The following POC1B variants were observed in gnomAD, a reference collection of about 807,000 sequenced individuals.
The protein encoded by POC1B is POC1 centriolar protein homolog B.
Under a neutral mutation model 60.6 loss-of-function variants are expected in POC1B, and 44 were observed. The ratio of observed to expected loss-of-function variants is 0.73; its 90% CI spans 0.57 to 0.93. The LOEUF (loss-of-function observed/expected upper bound fraction) is 0.93, where lower values mean the gene tolerates loss of function less well. Ranked by LOEUF, POC1B falls within the 40% of genes least tolerant of loss-of-function variation. POC1B has a pLI of 0.00. For missense variants in POC1B, 555 were observed against 572.3 expected, an observed-to-expected ratio of 0.97 and a Z score of 0.31; for synonymous variants, 180 against 198.9, an observed-to-expected ratio of 0.90 and a Z score of 0.80.
At chr12:89,501,622 A>C (rs1265430110) in intron 2 of POC1B, 1 of 1,309,946 alleles carries the variant, frequency 7.6e-7, no homozygotes, top group African/African-American at 1.5e-5. Context: ...GTCCAAGAAC[A>C]AACTTGTGTC....
Position 89,459,671 on chromosome 12 carries a change from A to AG in POC1B, c.1079dup (p.Val361CysfsTer8). On this transcript the variant is annotated frameshift_variant, in exon 10 of 12. Transcript: ENST00000313546. LOFTEE classifies it high-confidence loss of function. ...AATCAAAAGAAAGGATATCCATAAC[A>AG]GGGGGAGTAGAGATCTGCAAATCGA... 6.5e-7 allele frequency: 1 copy of AG among 1,535,548 alleles called. No individual in the cohort carries two copies. Among genetic ancestry groups the AG allele is most frequent in the South Asian group, 1.3e-5 (1 of 76,100 alleles).
At chr12:89,525,500 C>T (rs1006614268) in intron 1 of POC1B, 1 of 1,314,910 alleles carries the variant, frequency 7.6e-7, no homozygotes, top group Non-Finnish European at 9.6e-7. Flanking sequence ...TCCCGGGCCC[C>T]GCCCGCTGGC....
chr12:89,466,587 G>C, intron 9 of POC1B, 183 bp downstream of exon 9: 1 of 483,304 alleles, frequency 2.1e-6, no homozygotes, highest in Non-Finnish European at 3.5e-6. Flanking sequence ...TTTACTTCTG[G>C]GCCTTCAAGA....
chr12:89,511,044 A>G (rs1870161601), intron 2 of POC1B, among the ~76,000 whole-genome samples: 1 of 151,822 alleles, frequency 6.6e-6, no homozygotes, highest in South Asian at 2.1e-4. Flanking sequence ...GTGAGCCACC[A>G]TGCCTGGCCA....
intron 2 of POC1B, chr12:89,520,006 G>A (rs1012221850): frequency 1.3e-5 from 2 of 152,032 alleles, no homozygotes; most frequent in South Asian, 2.1e-4. Context: ...CAATAAATTC[G>A]AATTAGGGAA....
intron 10 of POC1B, chr12:89,428,145 C>T (rs1269712184): frequency 6.6e-6 from 1 of 152,280 alleles, no homozygotes; most frequent in African/African-American, 2.4e-5. Context: ...CCATGCTCCA[C>T]AACCATCCTC....
chr12:89,514,228 C>A (rs1277272682), intron 2 of POC1B, among the ~76,000 whole-genome samples: 1 of 151,756 alleles, frequency 6.6e-6, no homozygotes, highest in Non-Finnish European at 1.5e-5. Flanking sequence ...TATATAGCAC[C>A]TCCCCTTCTC....
intron 11 of POC1B, among the ~76,000 whole-genome samples, chr12:89,423,237 G>T (rs1880617283): frequency 6.6e-6 from 1 of 152,160 alleles, no homozygotes; most frequent in Non-Finnish European, 1.5e-5. Context: ...AGGCCGAGCT[G>T]GGCGAATCGC....
intron 7 of POC1B, among the ~76,000 whole-genome samples, chr12:89,468,316 G>A (rs1457189968): frequency 6.6e-6 from 1 of 152,200 alleles, no homozygotes; most frequent in Non-Finnish European, 1.5e-5. Context: ...AGCAGTTACT[G>A]CGGAGTTGGA....
chr12:89,485,603 A>G (rs1220698531), intron 4 of POC1B, among the ~76,000 whole-genome samples: 1 of 152,230 alleles, frequency 6.6e-6, no homozygotes. Flanking sequence ...AAGACAGTCC[A>G]TGAAGGCCAG....
At chr12:89,402,740 A>G in the POC1B span, among the ~76,000 whole-genome samples, 1 of 152,106 alleles carries the variant, frequency 6.6e-6, no homozygotes, top group Non-Finnish European at 1.5e-5. Context: ...CTATGGACAT[A>G]CATACTTTCT....
At chr12:89,507,603 CT>C (rs758974848) in intron 2 of POC1B, among the ~76,000 whole-genome samples, 1 of 152,188 alleles carries the variant, frequency 6.6e-6, no homozygotes, top group Non-Finnish European at 1.5e-5. Context: ...TTTAAAAAAA[CT>C]ATTTATGTTC....
At chr12:89,404,482 T>C in the POC1B span, among the ~76,000 whole-genome samples, 2 of 152,112 alleles carry the variant, frequency 1.3e-5, no homozygotes, top group Admixed American at 1.3e-4. Flanking sequence ...AGACACAAAA[T>C]GAAAAATAGC....
intron 2 of POC1B, chr12:89,502,220 AGGAAGTTCCT>A: frequency 1.7e-6 from 2 of 1,184,776 alleles, no homozygotes; most frequent in Non-Finnish European, 1.2e-6. Context: ...GTGGATGATG[AGGAAGTTCCT>A]GGAAGTTCAG....
intron 2 of POC1B, among the ~76,000 whole-genome samples, chr12:89,498,660 A>C (rs1446735607): frequency 6.6e-6 from 1 of 152,214 alleles, no homozygotes; most frequent in Non-Finnish European, 1.5e-5. Context: ...TTTTTAAAAA[A>C]ATACAAAAAG....
At chr12:89,487,849 C>A (rs890947541) in intron 4 of POC1B, among the ~76,000 whole-genome samples, 2 of 152,176 alleles carry the variant, frequency 1.3e-5, no homozygotes, top group African/African-American at 4.8e-5. Context: ...CTTTTCCTCA[C>A]ACAAATCTTG....
intron 10 of POC1B, among the ~76,000 whole-genome samples, chr12:89,433,152 G>T (rs1355258862): frequency 6.6e-6 from 1 of 152,018 alleles, no homozygotes; most frequent in East Asian, 1.9e-4. Context: ...TAAAGACAGT[G>T]AATCTAAGCA....
intron 2 of POC1B, chr12:89,501,914 T>C (rs765674995): frequency 1.3e-4 from 141 of 1,124,582 alleles, no homozygotes; most frequent in Middle Eastern, 2.0e-4. Flanking sequence ...GGAGGTATCA[T>C]TGGTCATGAT....
At chr12:89,497,086 A>G in intron 3 of POC1B, 85 bp downstream of exon 3, 1 of 1,349,688 alleles carries the variant, frequency 7.4e-7, no homozygotes, top group Non-Finnish European at 1.0e-6. Context: ...CAGTGCAGGC[A>G]GCAGTGCATG....
Sources: gnomAD v4.1 joint callset for allele counts (sites outside exome capture counted in the v4.1 genomes callset) on GRCh38, gnomAD v4.1.1 for gene constraint, MANE v1.5 for transcripts, NCBI Gene and HGNC (gene_info 2026-07-23, HGNC 2026-07-21) for gene names.